RGS5: variants seen among roughly 807,000 people sequenced by gnomAD.
RGS5 encodes regulator of G protein signaling 5.
RGS5 carries 20 observed loss-of-function variants against 18.9 expected under a neutral mutation model. The observed-to-expected ratio is 1.06, with a 90% CI of 0.74 to 1.54. The LOEUF (loss-of-function observed/expected upper bound fraction) is 1.54. Ranked by LOEUF, RGS5 falls within the 40% of genes most tolerant of loss-of-function variation. The pLI is 0.00. For missense variants in RGS5, 201 were observed against 211.8 expected (o/e 0.95, Z 0.32); for synonymous variants, 57 against 76.2 (o/e 0.75, Z 1.31).
chr1:163,203,475 G>A (rs1190345964), upstream of RGS5, among the ~76,000 whole-genome samples: 1 of 152,174 alleles, frequency 6.6e-6, no homozygotes, highest in African/African-American at 2.4e-5. Flanking sequence ...TGGAGGCCGG[G>A]CTGGGATGTT....
chr1:163,280,425 T>C (rs1648962078), intron 2 of RGS5, among the ~76,000 whole-genome samples: 1 of 152,106 alleles, frequency 6.6e-6, no homozygotes, highest in Admixed American at 6.6e-5. Flanking sequence ...ATCATCTCAA[T>C]AGATATGAAA....
chr1:163,242,814 CTCTAA>C (rs1363332674), intron 2 of RGS5, among the ~76,000 whole-genome samples: 44 of 152,130 alleles, frequency 2.9e-4, no homozygotes, highest in African/African-American at 9.2e-4. Flanking sequence ...TATAGGGAAC[CTCTAA>C]CGTTTTCTGA....
chr1:163,180,697 T>TTCTTTTTG lies in RGS5; in HGVS notation c.45-12330_45-12329insCAAAAAGA, dbSNP rs1557893090. Among the ~76,000 whole-genome samples the TTCTTTTTG allele has an allele frequency of 1.4e-3, 162 of 118,874 alleles. 3 individuals are homozygous for TTCTTTTTG. The highest frequency in any genetic ancestry group is 5.4e-3 in the African/African-American group (158 of 29,342). 78.0% of individuals were successfully genotyped at this position (118,874 alleles called of 152,430 possible). A position where few individuals can be genotyped will look rare whatever the true frequency, so the allele number is the denominator to read the frequency against. On this transcript the variant is annotated intron_variant, in intron 1 of 4. Transcript: ENST00000313961. ...AAAGCCCTTACCCTGTTTTTTTTTT[T>TTCTTTTTG]TTTTTTTTTTTTTTTGAGACGGAGT...
At chr1:163,303,053 A>G (rs1206303336) in intron 2 of RGS5, among the ~76,000 whole-genome samples, 1 of 152,250 alleles carries the variant, frequency 6.6e-6, no homozygotes, top group African/African-American at 2.4e-5. Flanking sequence ...TGAAGCTAAC[A>G]TAGATGTAAG....
rs1286762934 is a variant in RGS5, at chr1:163,144,479, A to C, written c.*2863T>G. 1 of 152,448 alleles carries C rather than the reference A, an allele frequency of 6.6e-6. No individual in the cohort carries two copies. Among genetic ancestry groups the C allele is most frequent in the African/African-American group, 2.4e-5 (1 of 41,418 alleles). 9.4% of individuals were successfully genotyped at this position (152,448 alleles called of 1,614,324 possible). A position where few individuals can be genotyped will look rare whatever the true frequency, so the allele number is the denominator to read the frequency against. On this transcript the variant is annotated 3_prime_UTR_variant, in exon 5 of 5. Coordinates refer to ENST00000313961, the MANE Select transcript of RGS5 (RefSeq NM_003617.4). ...TCAAGAGTGAGAACCATATTCTCCTATTTCCATTGACCACAATTTGGTTCC... is the reference window on the plus strand; with the variant it reads ...TCAAGAGTGAGAACCATATTCTCCTCTTTCCATTGACCACAATTTGGTTCC...
At chr1:163,243,419 G>T (rs1647843814) in intron 2 of RGS5, among the ~76,000 whole-genome samples, 1 of 151,958 alleles carries the variant, frequency 6.6e-6, no homozygotes, top group African/African-American at 2.4e-5. Flanking sequence ...AGGCCGAGCG[G>T]GGTGGATCAC....
At chr1:163,217,413 G>A (rs1286611688) in intron 1 of RGS5, 2 of 1,100,106 alleles carry the variant, frequency 1.8e-6, no homozygotes, top group South Asian at 2.4e-5. Context: ...AAGAAATTTG[G>A]GCCCTAAAAT....
At chr1:163,292,900 A>T (rs1355115986) in intron 2 of RGS5, among the ~76,000 whole-genome samples, 1 of 152,058 alleles carries the variant, frequency 6.6e-6, no homozygotes, top group Non-Finnish European at 1.5e-5. Context: ...TAAGTTCCTT[A>T]TGGATGCTGG....
Position 163,202,840 on chromosome 1 carries a change from G to T in RGS5, c.-5C>A. 1 of 1,613,352 alleles carries T rather than the reference G, an allele frequency of 6.2e-7. No homozygotes were observed. Among genetic ancestry groups the T allele is most frequent in the Non-Finnish European group, 8.5e-7 (1 of 1,179,548 alleles). On this transcript the variant is annotated 5_prime_UTR_variant, in exon 1 of 5. Coordinates refer to ENST00000313961, the MANE Select transcript of RGS5 (RefSeq NM_003617.4). ...AGCTGCAAGTCCTTTGCACATTTTG[G>T]CAGGTGGCTTAGCTCCTCCGCTTTA...
intron 2 of RGS5, chr1:163,304,349 T>C (rs971514253): frequency 3.3e-5 from 5 of 152,314 alleles, no homozygotes; most frequent in Non-Finnish European, 5.9e-5. Flanking sequence ...TCTCTGGCAC[T>C]TCTTCCTTTC....
chr1:163,152,623 T>C lies in RGS5; in HGVS notation c.311A>G (p.Lys104Arg), dbSNP rs906463602. Residue 104 changes from lysine to arginine, a missense_variant, in exon 4 of 5, where the codon AAG (lysine) becomes AGG (arginine). Physicochemically the swap from Lys to Arg is conservative, Grantham distance 26. Coordinates refer to ENST00000313961, the MANE Select transcript of RGS5 (RefSeq NM_003617.4). ...CTTCTCAGCCATCTTGGCAGGGGAC[T>C]TGATCTTCTTGTAATCCTCACAGGC... is the stretch of plus-strand genomic sequence containing the variant. Reference protein sequence around the residue: ...WIACEDYKKIKSPAKMAEKAK... With the variant: ...WIACEDYKKIRSPAKMAEKAK... The C allele has an allele frequency of 5.0e-6, 8 of 1,613,130 alleles. No homozygotes were observed. The highest frequency in any genetic ancestry group is 6.8e-6 in the Non-Finnish European group (8 of 1,179,400).
At chr1:163,200,720 T>C (rs1358061357) in intron 1 of RGS5, among the ~76,000 whole-genome samples, 2 of 152,160 alleles carry the variant, frequency 1.3e-5, no homozygotes, top group African/African-American at 4.8e-5. Flanking sequence ...CTCACAATAA[T>C]TGCGTATTCT....
At chr1:163,183,963 C>T (rs924250968) in intron 1 of RGS5, among the ~76,000 whole-genome samples, 1 of 152,192 alleles carries the variant, frequency 6.6e-6, no homozygotes, top group Non-Finnish European at 1.5e-5. Context: ...ATGCAAATCA[C>T]ATTCCTGAAA....
intron 3 of RGS5, among the ~76,000 whole-genome samples, chr1:163,161,034 G>A (rs1302573920): frequency 4.6e-5 from 7 of 152,172 alleles, no homozygotes; most frequent in Admixed American, 4.6e-4. Context: ...GCAGACAAAT[G>A]ACTTTGGAAT....
chr1:163,188,951 C>CAAAAAAAAAA (rs34767004), intron 1 of RGS5, among the ~76,000 whole-genome samples: 1 of 77,632 alleles, frequency 1.3e-5, no homozygotes, highest in Non-Finnish European at 2.4e-5. Flanking sequence ...GACCCCATCT[C>CAAAAAAAAAA]AAAAAAAAAA....
At chr1:163,174,889 G>T (rs1658479649) in intron 1 of RGS5, among the ~76,000 whole-genome samples, 1 of 152,154 alleles carries the variant, frequency 6.6e-6, no homozygotes, top group Admixed American at 6.5e-5. Context: ...GAGTTGAGAA[G>T]CATAAGGCAA....
rs771970763 is a variant in RGS5, at chr1:163,168,326, C to T, written c.87G>A (p.Lys29=). ...TGACAAGGTCACCAACTGAGTCTGG[C>T]TTCTGGAGGAGAATTCCCAACTTGA... The part of the protein sequence containing the change: ...IKIKLGILLQ[K]PDSVGDLVIP... The change falls in exon 2 of 5, where the codon AAG becomes AAA. Residue 29 remains lysine (K), a synonymous_variant. Transcript: ENST00000313961. 1.3e-5 allele frequency: 21 copies of T among 1,613,896 alleles called. No individual in the cohort carries two copies. The highest frequency in any genetic ancestry group is 1.7e-5 in the Non-Finnish European group (20 of 1,179,824).
At chr1:163,268,696 TC>T (rs557188852) in intron 2 of RGS5, among the ~76,000 whole-genome samples, 27 of 152,130 alleles carry the variant, frequency 1.8e-4, no homozygotes, top group African/African-American at 6.3e-4. Context: ...CCAAAATTAC[TC>T]AAACTATCCA....
Position 163,193,067 on chromosome 1 carries a change from A to G in RGS5, c.44+9725T>C, listed in dbSNP as rs376607427. Among the ~76,000 whole-genome samples, 15 of 152,292 alleles carry G rather than the reference A, an allele frequency of 9.8e-5. No homozygotes were observed. The East Asian group carries it at 2.7e-3, about 27-fold the overall frequency. On this transcript the variant is annotated intron_variant, in intron 1 of 4. Transcript: ENST00000313961. ...CTCCACATACTTCGCTAATAATAACAAACACTTGCAAAGGAGAGCACTTCA... is the reference window on the plus strand; with the variant it reads ...CTCCACATACTTCGCTAATAATAACGAACACTTGCAAAGGAGAGCACTTCA...
Sources: gnomAD v4.1 joint callset for allele counts (sites outside exome capture counted in the v4.1 genomes callset) on GRCh38, gnomAD v4.1.1 for gene constraint, MANE v1.5 for transcripts, NCBI Gene and HGNC (gene_info 2026-07-23, HGNC 2026-07-21) for gene names.